Variants in MMP28 observed in about 807,000 individuals in gnomAD.
MMP28 encodes the protein matrix metalloproteinase-28.
MMP28 carries 55 observed loss-of-function variants against 60.5 expected under a neutral mutation model. That is an observed-to-expected ratio of 0.91 (90% CI 0.73 to 1.14). The LOEUF is 1.14. MMP28 is among the 50% of genes most tolerant of loss of function. The pLI, the probability that MMP28 is intolerant of heterozygous loss-of-function variation, is 0.00. For synonymous variants in MMP28, 318 were observed against 312.5 expected, an observed-to-expected ratio of 1.02 and a Z score of -0.18; for missense variants, 686 against 738.3, an observed-to-expected ratio of 0.93 and a Z score of 0.82.
rs762267592 is a variant in MMP28, at chr17:35,773,313, G to A, written c.471C>T (p.Ala157=). 26 of 1,613,304 alleles carry A rather than the reference G, an allele frequency of 1.6e-5. No homozygotes were observed. Among genetic ancestry groups the A allele is most frequent in the Middle Eastern group, 1.6e-4 (1 of 6,080 alleles). Residue 157 remains alanine, a synonymous_variant, in exon 4 of 8, where the codon GCC becomes GCT. Transcript: ENST00000605424. Reference sequence around the variant, plus strand: ...AGACGTTGCTCCACAACTGGAAGGCGGCGCGCACGGCGCCCCGAACTGCCG... The same window carrying A: ...AGACGTTGCTCCACAACTGGAAGGCAGCGCGCACGGCGCCCCGAACTGCCG... ...PEPAVRGAVR[A]AFQLWSNVSA...
At chr17:35,783,482 G>A (rs2086564185) in intron 1 of MMP28, among the ~76,000 whole-genome samples, 1 of 152,202 alleles carries the variant, frequency 6.6e-6, no homozygotes, top group Non-Finnish European at 1.5e-5. Context: ...TTCCTTTGGG[G>A]AGGATGGACA....
intron 5 of MMP28, 150 bp downstream of exon 5, chr17:35,769,917 T>G: frequency 9.6e-7 from 1 of 1,043,898 alleles, no homozygotes; most frequent in Non-Finnish European, 1.3e-6. Flanking sequence ...AGGAGGGGCA[T>G]AGGGCTTTAG....
rs564439075 is a variant in MMP28 at position 35,777,074 on chromosome 17, C to A, written c.379+1814G>T. Among the ~76,000 whole-genome samples the A allele has an allele frequency of 7.2e-5, 11 of 152,316 alleles. No individual in the cohort carries two copies. The South Asian group carries it at 2.3e-3, about 32-fold the overall frequency. ...TGCCCCACTTTCCACTGCATTCTCA[C>A]AACAAGCCCCTTCCACCTGGTAATC... On this transcript the variant is annotated intron_variant, in intron 3 of 7. Coordinates refer to ENST00000605424, the MANE Select transcript of MMP28 (RefSeq NM_024302.5).
At position 35,766,526 on chromosome 17, in the gene MMP28, C is replaced by T. The variant is rs762938904; in HGVS notation, c.1537G>A (p.Ala513Thr). 19 of 1,599,438 alleles carry T rather than the reference C, an allele frequency of 1.2e-5. No homozygotes were observed. In the East Asian group the frequency reaches 4.0e-4, roughly 34 times the overall value. The change falls in exon 8 of 8, where the codon GCC becomes ACC. Residue 513 changes from alanine to threonine, a missense_variant. Coordinates refer to ENST00000605424, the MANE Select transcript of MMP28 (RefSeq NM_024302.5). This position sits in a 1 kb window ranked among gnomAD's most constrained non-coding sequence, Gnocchi z 4.3. ...TELPWMGCWH[A>T]NSGSALF Reference sequence around the variant, plus strand: ...CAGAACAGGGCGCTCCCCGAGTTGGCATGCCAGCAGCCCATCCAGGGCAGC... The same window carrying T: ...CAGAACAGGGCGCTCCCCGAGTTGGTATGCCAGCAGCCCATCCAGGGCAGC...
intron 2 of MMP28, chr17:35,758,327 G>C (rs782393724): frequency 1.3e-5 from 2 of 152,206 alleles, no homozygotes; most frequent in Non-Finnish European, 2.9e-5. Context: ...ATATGTTCCT[G>C]GGGTTAGTGG....
Position 35,766,421 on chromosome 17 carries a change from AAG to A in MMP28, c.*77_*78del. The stretch of plus-strand genomic sequence containing the variant: ...TCTGCAGAGGGACTCAGAGGCTTCT[AAG>A]AGGGGTTCTGCCCCGGGGGTGGGGA... On this transcript the variant is annotated 3_prime_UTR_variant, in exon 8 of 8. Transcript: ENST00000605424. This position sits in a 1 kb window ranked among gnomAD's most constrained non-coding sequence, Gnocchi z 4.3. 2.8e-6 allele frequency: 4 copies of A among 1,451,380 alleles called. No individual in the cohort carries two copies. Among genetic ancestry groups the A allele is most frequent in the South Asian group, 2.8e-5 (2 of 71,618 alleles). The allele number at this position is 1,451,380 out of a possible 1,614,324, so 89.9% of individuals were successfully genotyped here.
At chr17:35,773,157 G>T in intron 4 of MMP28, 23 bp downstream of exon 4, 1 of 1,608,026 alleles carries the variant, frequency 6.2e-7, no homozygotes, top group Non-Finnish European at 8.5e-7. Flanking sequence ...CTGCTGTGCG[G>T]GAGGGAGGCT....
At chr17:35,777,322 A>G (rs551417538) in intron 3 of MMP28, among the ~76,000 whole-genome samples, 1 of 152,322 alleles carries the variant, frequency 6.6e-6, no homozygotes, top group South Asian at 2.1e-4. Context: ...ACACGGTGGG[A>G]CACAGAACAT....
At chr17:35,764,377 A>C (rs2143116035), downstream of MMP28, 1 of 1,458,518 alleles carries the variant, frequency 6.9e-7, no homozygotes, top group Admixed American at 2.6e-5. Context: ...CCCGGGCCCC[A>C]GGGAGGAGGG....
At chr17:35,771,300 G>A (rs775725267) in intron 4 of MMP28, among the ~76,000 whole-genome samples, 4 of 151,664 alleles carry the variant, frequency 2.6e-5, no homozygotes, top group Admixed American at 6.6e-5. Context: ...GCGTGGTGGC[G>A]GGTGTCTGTA....
At chr17:35,787,199 C>T (rs1555610690) in intron 1 of MMP28, among the ~76,000 whole-genome samples, 1 of 152,188 alleles carries the variant, frequency 6.6e-6, no homozygotes, top group East Asian at 1.9e-4. Flanking sequence ...AGGCAGTGGG[C>T]TCTGGCTTTC....
intron 1 of MMP28, among the ~76,000 whole-genome samples, chr17:35,787,406 T>C (rs562448074): frequency 6.6e-6 from 1 of 152,330 alleles, no homozygotes; most frequent in East Asian, 1.9e-4. Context: ...CTTTCCTTTA[T>C]TTTGGGTAAA....
chr17:35,775,581 C>T (rs1555607406), intron 3 of MMP28, among the ~76,000 whole-genome samples: 1 of 152,252 alleles, frequency 6.6e-6, no homozygotes, highest in Non-Finnish European at 1.5e-5. Flanking sequence ...ATCCCAGTAC[C>T]TCTACTTGCA....
At chr17:35,783,336 T>C (rs1275044160) in intron 1 of MMP28, among the ~76,000 whole-genome samples, 1 of 152,210 alleles carries the variant, frequency 6.6e-6, no homozygotes, top group Non-Finnish European at 1.5e-5. Flanking sequence ...CAACAGACTT[T>C]TGGAATGCAA....
chr17:35,787,896 T>A (rs2143571580), intron 1 of MMP28, among the ~76,000 whole-genome samples: 1 of 146,638 alleles, frequency 6.8e-6, no homozygotes, highest in South Asian at 2.1e-4. Flanking sequence ...TTTTTTTCTT[T>A]CCCTTTTTTT....
At chr17:35,792,169 T>TAACA (rs1201257729) in intron 1 of MMP28, among the ~76,000 whole-genome samples, 1 of 152,176 alleles carries the variant, frequency 6.6e-6, no homozygotes, top group African/African-American at 2.4e-5. Context: ...GATGTGACTT[T>TAACA]AACACTCCTC....
intron 1 of MMP28, among the ~76,000 whole-genome samples, chr17:35,790,755 A>G (rs2086790599): frequency 6.6e-6 from 1 of 152,184 alleles, no homozygotes; most frequent in African/African-American, 2.4e-5. Flanking sequence ...TGGGAGCCCA[A>G]GGCAGGCAGA....
At chr17:35,784,463 T>G (rs1015415771) in intron 1 of MMP28, among the ~76,000 whole-genome samples, 7 of 152,252 alleles carry the variant, frequency 4.6e-5, no homozygotes, top group African/African-American at 1.7e-4. Flanking sequence ...CAGATCCAAC[T>G]TCCCGGGTGA....
intron 2 of MMP28, among the ~76,000 whole-genome samples, chr17:35,759,070 G>T (rs2143050774): frequency 6.6e-6 from 1 of 152,358 alleles, no homozygotes; most frequent in East Asian, 1.9e-4. Context: ...AAACTGAATT[G>T]TTCCTGTAAT....
Sources: gnomAD v4.1 joint callset for allele counts (sites outside exome capture counted in the v4.1 genomes callset) on GRCh38, gnomAD v4.1.1 for gene constraint, Gnocchi (gnomAD v3.1) non-coding constraint, MANE v1.5 for transcripts, NCBI Gene and HGNC (gene_info 2026-07-23, HGNC 2026-07-21) for gene names.